The following LCN6 variants were observed in gnomAD, a reference collection of about 807,000 sequenced individuals.
LCN6 encodes the protein lipocalin 6.
Under a neutral mutation model 21.4 loss-of-function variants are expected in LCN6, and 20 were observed. The ratio of observed to expected loss-of-function variants is 0.93; its 90% CI spans 0.66 to 1.36. The LOEUF (loss-of-function observed/expected upper bound fraction) is 1.36. Ranked by LOEUF, LCN6 falls within the 40% of genes most tolerant of loss-of-function variation. The pLI is 0.00. For missense variants in LCN6, 217 were observed against 206.6 expected, an observed-to-expected ratio of 1.05 and a Z score of -0.31; for synonymous variants, 96 against 89.0, an observed-to-expected ratio of 1.08 and a Z score of -0.44.
intron 2 of LCN6, 114 bp downstream of exon 2, chr9:136,747,310 G>T: frequency 1.6e-6 from 2 of 1,214,658 alleles, no homozygotes; most frequent in East Asian, 2.4e-5. Flanking sequence ...GGGGTGCAGA[G>T]GGGCCGTGGG....
In LCN6 at chr9:136,745,238, C is replaced by T. The variant is rs150301534; in HGVS notation, c.344G>A (p.Arg115Lys). The change falls in exon 4 of 7, where the codon AGA (arginine) becomes AAA (lysine). Residue 115 changes from arginine (R) to lysine (K), a missense_variant. Transcript: ENST00000341206. ...CTGAGTGAAGATGATGGCATAGTCTCTGAAGTTGGTGGCCAGCACCCAGAG... is the reference window on the plus strand; with the variant it reads ...CTGAGTGAAGATGATGGCATAGTCTTTGAAGTTGGTGGCCAGCACCCAGAG... ...LELWVLATNF[R>K]DYAIIFTQLE... 2 of 1,613,768 alleles carry T rather than the reference C, an allele frequency of 1.2e-6. No homozygotes were observed. Among genetic ancestry groups the T allele is most frequent in the Non-Finnish European group, 8.5e-7 (1 of 1,179,956 alleles).
intron 4 of LCN6, 30 bp downstream of exon 4, chr9:136,745,140 C>T: frequency 7.6e-7 from 1 of 1,318,334 alleles, no homozygotes; most frequent in South Asian, 1.2e-5. Context: ...CCACACAGCT[C>T]CCTACGTGGG....
At chr9:136,745,772 C>A in intron 3 of LCN6, 72 bp downstream of exon 3, 1 of 1,387,742 alleles carries the variant, frequency 7.2e-7, no homozygotes, top group South Asian at 1.2e-5. Flanking sequence ...AGCCCTCCGT[C>A]CCTGCCCGCA....
intron 1 of LCN6, 53 bp from the exon 2 acceptor site, chr9:136,747,616 C>CAACCCTCCCGCCCTCT (rs1554761928): frequency 1.3e-6 from 2 of 1,566,342 alleles, no homozygotes; most frequent in African/African-American, 2.9e-5. Flanking sequence ...CTCCAGCCTC[C>CAACCCTCCCGCCCTCT]AGCCTCCAAC....
At chr9:136,748,369 C>A (rs933996174) in intron 1 of LCN6, 25 bp downstream of exon 1, 1 of 1,597,222 alleles carries the variant, frequency 6.3e-7, no homozygotes, top group Non-Finnish European at 8.5e-7. Flanking sequence ...AGGACCAGCT[C>A]TCCCCACCCC....
chr9:136,748,453 C>A lies in LCN6; in HGVS notation c.31G>T (p.Ala11Ser). Residue 11 changes from alanine (A) to serine (S), a missense_variant, in exon 1 of 7, where the codon GCT (alanine) becomes TCT (serine). By Grantham distance (99) the Ala-to-Ser change is moderately conservative (BLOSUM62 1). Transcript: ENST00000341206. ...TGGGCCCTGGGCACCGAGACCAAAG[C>A]CAGAAAAGCAGCCAGCAGCAGGCCG... Reference protein sequence around the residue: MGGLLLAAFLALVSVPRAQAV... With the variant: MGGLLLAAFLSLVSVPRAQAV... 5.6e-6 allele frequency: 9 copies of A among 1,613,294 alleles called. No homozygotes were observed. Among genetic ancestry groups the A allele is most frequent in the Non-Finnish European group, 7.6e-6 (9 of 1,179,958 alleles).
In LCN6 at chr9:136,745,189, G is replaced by A; in HGVS notation, c.393C>T (p.Phe131=). The part of the protein sequence containing the change: ...FTQLEFGDEP[F]NTVELYSLTE... ...ACTTACTGTACAGCTCCACGGTGTT[G>A]AAGGGCTCGTCCCCGAACTCCAGCT... Residue 131 remains phenylalanine (F), a synonymous_variant, in exon 4 of 7, where the codon TTC becomes TTT. Transcript: ENST00000341206. 1 of 1,612,566 alleles carries A rather than the reference G, an allele frequency of 6.2e-7. No individual in the cohort carries two copies. The highest frequency in any genetic ancestry group is 1.1e-5 in the South Asian group (1 of 91,064).
Position 136,745,132 on chromosome 9 carries a change from A to G in LCN6, c.412+38T>C, listed in dbSNP as rs372611902. ...GTGGGCCCCGAGTGGCCCACGCACC[A>G]CACAGCTCCCTACGTGGGCCCCGCA... On this transcript the variant is annotated intron_variant, in intron 4 of 6. Coordinates refer to ENST00000341206, the MANE Select transcript of LCN6 (RefSeq NM_198946.3). The G allele has an allele frequency of 3.2e-4, 296 of 918,012 alleles. 2 individuals are homozygous for G. The African/African-American group carries it at 4.5e-3, about 14-fold the overall frequency. 56.9% of individuals were successfully genotyped at this position (918,012 alleles called of 1,614,324 possible).
At position 136,745,957 on chromosome 9, in the gene LCN6, CG is replaced by C. The variant is rs764885948; in HGVS notation, c.231-44del. On this transcript the variant is annotated intron_variant, in intron 2 of 6. Transcript: ENST00000341206. ...TGTCACCCACTCAGGGTCAAGACCC[CG>C]GGGCCCGGTGAGAGGAGACGGAGCT... 9.5e-6 allele frequency: 15 copies of C among 1,580,202 alleles called. No individual in the cohort carries two copies. The African/African-American group carries it at 1.9e-4, about 20-fold the overall frequency.
Position 136,748,498 on chromosome 9 carries a change from A to G in LCN6, c.-15T>C, listed in dbSNP as rs1847080697. 3 of 1,610,924 alleles carry G rather than the reference A, an allele frequency of 1.9e-6. No individual in the cohort carries two copies. Among genetic ancestry groups the G allele is most frequent in the Non-Finnish European group, 1.7e-6 (2 of 1,178,950 alleles). ...AGGCCGCCCATCCTCCCAGGTCTAC[A>G]CTGCGCCGCAGGCCCAGGATGTGCA... On this transcript the variant is annotated 5_prime_UTR_variant, in exon 1 of 7. Transcript: ENST00000341206.
chr9:136,746,567 C>G (rs1847041387), intron 2 of LCN6, among the ~76,000 whole-genome samples: 2 of 152,160 alleles, frequency 1.3e-5, no homozygotes. Context: ...GTGGGAGCTG[C>G]CACCTCAGCC....
At chr9:136,746,149 C>T in intron 2 of LCN6, 1 of 540,726 alleles carries the variant, frequency 1.8e-6, no homozygotes, top group South Asian at 2.2e-5. Context: ...CAGATCTCCA[C>T]CAGGAACGCT....
At position 136,745,875 on chromosome 9, in the gene LCN6, C is replaced by A. The variant is rs1265920185; in HGVS notation, c.270G>T (p.Lys90Asn). ...TCTCAAACACCCATCCGGAGTTTCG[C>A]TTTATCAGGTCCATGACACTCTGGT... ...GCDQSVMDLI[K>N]RNSGWVFENP... Residue 90 changes from lysine (K) to asparagine (N), a missense_variant, in exon 3 of 7, where the codon AAG becomes AAT. By Grantham distance (94) the Lys-to-Asn change is moderately conservative (BLOSUM62 0). Transcript: ENST00000341206. The A allele has an allele frequency of 1.2e-6, 2 of 1,613,908 alleles. No homozygotes were observed. The highest frequency in any genetic ancestry group is 1.1e-5 in the South Asian group (1 of 91,080).
chr9:136,746,600 G>A (rs561057144), intron 2 of LCN6, among the ~76,000 whole-genome samples: 271 of 151,512 alleles, frequency 1.8e-3, no homozygotes, highest in Middle Eastern at 0.014. Flanking sequence ...GTCCCAGCTC[G>A]CCCTGAGGCC....
In LCN6 at chr9:136,744,639, C is replaced by G. The variant is rs374340352; in HGVS notation, c.*22+1G>C. The G allele has an allele frequency of 6.3e-7, 1 of 1,589,082 alleles. No homozygotes were observed. Among genetic ancestry groups the G allele is most frequent in the Non-Finnish European group, 8.6e-7 (1 of 1,161,290 alleles). ...CCGAGGCTGCTCCGGTGGACACTCA[C>G]GGTCCTTCTGCAGCTGGGCCTGCTA... On this transcript the variant is annotated splice_donor_variant, in intron 5 of 6. Transcript: ENST00000341206. LOFTEE classifies it low-confidence loss of function (3UTR_SPLICE). The surrounding 1 kb of genome is among the most constrained non-coding windows in gnomAD (Gnocchi z 4.2).
At chr9:136,745,786 G>T in intron 3 of LCN6, 58 bp downstream of exon 3, 2 of 1,479,608 alleles carry the variant, frequency 1.4e-6, no homozygotes, top group Non-Finnish European at 1.9e-6. Context: ...GCCCGCAGGG[G>T]GCCTGGGGAT....
chr9:136,747,684 A>AGATC lies in LCN6; in HGVS notation c.91-122_91-121insGATC, dbSNP rs1564327587. 460 of 667,568 alleles carry AGATC rather than the reference A, an allele frequency of 6.9e-4. 6 individuals carry two copies. In the African/African-American group the frequency reaches 0.016, roughly 23 times the overall value. The allele number at this position is 667,568 out of a possible 1,614,324, so 41.4% of individuals were successfully genotyped here. A position where few individuals can be genotyped will look rare whatever the true frequency, so the allele number is the denominator to read the frequency against. ...CAGCCTCAGCCTCCACCCTCCAACC[A>AGATC]TCCAGCCCTCCAGCCTCCAGCCTCC... On this transcript the variant is annotated intron_variant, in intron 1 of 6. Coordinates refer to ENST00000341206, the MANE Select transcript of LCN6 (RefSeq NM_198946.3).
At position 136,747,501 on chromosome 9, in the gene LCN6, C is replaced by T. The variant is rs1847055544; in HGVS notation, c.153G>A (p.Lys51=). 2 of 1,613,590 alleles carry T rather than the reference C, an allele frequency of 1.2e-6. No homozygotes were observed. Among genetic ancestry groups the T allele is most frequent in the Non-Finnish European group, 1.7e-6 (2 of 1,179,880 alleles). Residue 51 remains lysine (K), a synonymous_variant, in exon 2 of 7, where the codon AAG becomes AAA. Transcript: ENST00000341206. ...CCACCCCCACGACGTTCTTCATGTC[C>T]TTCTCCATGGCAAAGCCCTTTTCCC... The part of the protein sequence containing the change: ...ASREKGFAME[K]DMKNVVGVVV...
intron 2 of LCN6, among the ~76,000 whole-genome samples, chr9:136,746,372 G>T (rs571287234): frequency 2.0e-5 from 2 of 97,706 alleles, no homozygotes; most frequent in Admixed American, 1.2e-4. Context: ...GTTCGCCTGC[G>T]ACTCAGGGGA....
Sources: gnomAD v4.1 joint callset for allele counts (sites outside exome capture counted in the v4.1 genomes callset) on GRCh38, gnomAD v4.1.1 for gene constraint, Gnocchi (gnomAD v3.1) non-coding constraint, MANE v1.5 for transcripts, NCBI Gene and HGNC (gene_info 2026-07-23, HGNC 2026-07-21) for gene names.